The following EIF3E variants were observed in gnomAD, a reference collection of about 807,000 sequenced individuals.
EIF3E encodes eukaryotic translation initiation factor 3 subunit E.
A neutral mutation model predicts 59.3 loss-of-function variants in EIF3E; 25 were observed. The observed-to-expected ratio is 0.42, with a 90% CI of 0.31 to 0.59. The LOEUF (loss-of-function observed/expected upper bound fraction) is 0.59. EIF3E is among the 20% of genes least tolerant of loss of function. EIF3E has a pLI of 0.15. For missense variants in EIF3E, 317 were observed against 534.3 expected, an observed-to-expected ratio of 0.59 and a Z score of 4.01; for synonymous variants, 176 against 170.2, an observed-to-expected ratio of 1.03 and a Z score of -0.26.
intron 2 of EIF3E, 92 bp downstream of exon 2, chr8:108,241,707 C>T (rs1815838492): frequency 1.5e-6 from 1 of 663,818 alleles, no homozygotes; most frequent in African/African-American, 1.9e-5. Flanking sequence ...ATATTTAAGC[C>T]TTTTGGCTAA....
At chr8:108,229,363 A>T in intron 5 of EIF3E, 168 bp from the exon 6 acceptor site, 1 of 583,868 alleles carries the variant, frequency 1.7e-6, no homozygotes. Context: ...GTTTCAAAAA[A>T]CCTTTGCTAA....
chr8:108,217,227 T>G (rs1815320395), intron 8 of EIF3E, 107 bp downstream of exon 8: 4 of 909,082 alleles, frequency 4.4e-6, no homozygotes, highest in Admixed American at 3.2e-5. Flanking sequence ...TTCCACCTAT[T>G]TTTAAAAACG....
At chr8:108,245,839 T>C (rs937147453) in intron 1 of EIF3E, among the ~76,000 whole-genome samples, 2 of 152,234 alleles carry the variant, frequency 1.3e-5, no homozygotes, top group Non-Finnish European at 2.9e-5. Flanking sequence ...TCTGCTCTCA[T>C]GAAGCTTATA....
intron 3 of EIF3E, among the ~76,000 whole-genome samples, chr8:108,238,485 T>G (rs1166124293): frequency 6.6e-6 from 1 of 152,226 alleles, no homozygotes; most frequent in Non-Finnish European, 1.5e-5. Context: ...GTAAATATCA[T>G]ATAGTTGTTA....
intron 5 of EIF3E, among the ~76,000 whole-genome samples, chr8:108,232,144 A>C (rs1185684058): frequency 6.6e-6 from 1 of 152,182 alleles, no homozygotes; most frequent in Non-Finnish European, 1.5e-5. Context: ...ACAAAACTTC[A>C]AACAAATACA....
chr8:108,213,819 A>G (rs1815254014), intron 10 of EIF3E, among the ~76,000 whole-genome samples: 2 of 152,216 alleles, frequency 1.3e-5, no homozygotes, highest in Admixed American at 1.3e-4. Context: ...TGATTATACT[A>G]TCCTTCTAAC....
rs187213425 is a variant in EIF3E at position 108,248,581 on chromosome 8, C to G, written c.90+32G>C. On this transcript the variant is annotated intron_variant, in intron 1 of 12. Transcript: ENST00000220849. ...CCTTGCTCAGCACCTCATCCGCCCC[C>G]ACGCCTTCCTTGCGCCCAAAGACCC... The G allele has an allele frequency of 7.8e-4, 1,258 of 1,610,228 alleles. 21 individuals carry two copies. The Admixed American group carries it at 0.019, about 25-fold the overall frequency.
At chr8:108,213,957 C>T (rs1003044889) in intron 10 of EIF3E, among the ~76,000 whole-genome samples, 1 of 152,150 alleles carries the variant, frequency 6.6e-6, no homozygotes, top group Non-Finnish European at 1.5e-5. Flanking sequence ...AACACTAAAG[C>T]AGTAGGTTTT....
chr8:108,207,995 C>A (rs1815133784), intron 10 of EIF3E, among the ~76,000 whole-genome samples: 1 of 151,932 alleles, frequency 6.6e-6, no homozygotes, highest in Non-Finnish European at 1.5e-5. Flanking sequence ...CCAGAGATCC[C>A]ACTTAAGGAC....
At chr8:108,205,054 A>T (rs1815074309) in intron 10 of EIF3E, among the ~76,000 whole-genome samples, 1 of 152,166 alleles carries the variant, frequency 6.6e-6, no homozygotes, top group African/African-American at 2.4e-5. Flanking sequence ...TGTAGTATAC[A>T]TGCATGTATG....
intron 1 of EIF3E, among the ~76,000 whole-genome samples, chr8:108,245,619 G>T (rs1209715652): frequency 6.6e-6 from 1 of 152,188 alleles, no homozygotes; most frequent in Non-Finnish European, 1.5e-5. Flanking sequence ...AAAAGAATCT[G>T]CTCTGACTGC....
chr8:108,218,263 C>T (rs572633322), intron 7 of EIF3E, among the ~76,000 whole-genome samples: 1 of 152,240 alleles, frequency 6.6e-6, no homozygotes, highest in African/African-American at 2.4e-5. Flanking sequence ...ATCACACTAC[C>T]ATTGACAGCT....
chr8:108,245,507 A>G (rs1461848800), intron 1 of EIF3E, among the ~76,000 whole-genome samples: 2 of 152,216 alleles, frequency 1.3e-5, no homozygotes, highest in Admixed American at 1.3e-4. Context: ...TCTGTCCCAG[A>G]AGAGCGTAGT....
intron 2 of EIF3E, 103 bp from the exon 3 acceptor site, chr8:108,240,178 T>TGGGG: frequency 1.1e-6 from 1 of 891,986 alleles, no homozygotes; most frequent in Non-Finnish European, 1.9e-6. Context: ...AAACTATACA[T>TGGGG]ATATTTATTT....
Position 108,229,149 on chromosome 8 carries a change from A to G in EIF3E, c.518T>C (p.Leu173Pro). 6.2e-7 allele frequency: 1 copy of G among 1,613,684 alleles called. No homozygotes were observed. Among genetic ancestry groups the G allele is most frequent in the Non-Finnish European group, 8.5e-7 (1 of 1,179,720 alleles). ...ATTCTGCATTAAGATTTCAGAGGCC[A>G]GCTTTCCCCAGAGTGAACTTAAAGC... ...RNALSSLWGKLASEILMQNWD... is the reference protein window; with the variant it reads ...RNALSSLWGKPASEILMQNWD... Residue 173 changes from leucine to proline, a missense_variant, in exon 6 of 13, where the codon CTG (leucine) becomes CCG (proline). This residue lies in a region of EIF3E where 242 missense variants were observed against 398.0 expected (regional missense o/e 0.61). Coordinates refer to ENST00000220849, the MANE Select transcript of EIF3E (RefSeq NM_001568.3).
chr8:108,234,727 C>T (rs989090564), intron 5 of EIF3E: 3 of 240,562 alleles, frequency 1.2e-5, no homozygotes, highest in Non-Finnish European at 2.4e-5. Flanking sequence ...TTACATGATA[C>T]GATTCTGTTA....
At chr8:108,228,425 T>C (rs1258358371) in intron 6 of EIF3E, 34 bp from the exon 7 acceptor site, 9 of 1,397,140 alleles carry the variant, frequency 6.4e-6, no homozygotes, top group Non-Finnish European at 8.4e-6. Flanking sequence ...ATAAAAAATA[T>C]TAATATATAA....
At chr8:108,213,270 C>G (rs1435586971) in intron 10 of EIF3E, among the ~76,000 whole-genome samples, 1 of 152,152 alleles carries the variant, frequency 6.6e-6, no homozygotes, top group Non-Finnish European at 1.5e-5. Flanking sequence ...ACCTCGGAAG[C>G]AAACACCAAA....
chr8:108,221,899 T>C (rs1056233879), intron 7 of EIF3E, among the ~76,000 whole-genome samples: 2 of 152,118 alleles, frequency 1.3e-5, no homozygotes, highest in Admixed American at 6.6e-5. Flanking sequence ...CACAAAATAT[T>C]ATTATTCTTT....
Sources: gnomAD v4.1 joint callset for allele counts (sites outside exome capture counted in the v4.1 genomes callset) on GRCh38, gnomAD v4.1.1 for gene constraint, gnomAD v4.1.1 regional missense constraint, MANE v1.5 for transcripts, NCBI Gene and HGNC (gene_info 2026-07-23, HGNC 2026-07-21) for gene names.